SLC25A51: variants seen among roughly 807,000 people sequenced by gnomAD.
SLC25A51 encodes the protein solute carrier family 25 member 51.
SLC25A51 carries 11 observed loss-of-function variants against 19.1 expected under a neutral mutation model. That is an observed-to-expected ratio of 0.58 (90% confidence interval 0.36 to 0.96). The LOEUF (loss-of-function observed/expected upper bound fraction) is 0.96. Ranked by LOEUF, SLC25A51 falls within the 40% of genes least tolerant of loss-of-function variation. SLC25A51 has a pLI of 0.01. For missense variants in SLC25A51, 201 were observed against 365.4 expected (o/e 0.55, Z 3.67); for synonymous variants, 105 against 133.6 (o/e 0.79, Z 1.47).
chr9:37,893,703 C>G (rs555163580), intron 2 of SLC25A51, among the ~76,000 whole-genome samples: 1 of 152,328 alleles, frequency 6.6e-6, no homozygotes, highest in South Asian at 2.1e-4. Flanking sequence ...GTATGCTCCA[C>G]TGAGAGATGC....
downstream of SLC25A51, chr9:37,885,860 G>A (rs1399737577): frequency 3.1e-6 from 5 of 1,599,078 alleles, no homozygotes; most frequent in Non-Finnish European, 4.3e-6. Context: ...TCTGCATAGT[G>A]TTCCTGATGA....
intron 1 of SLC25A51, 178 bp downstream of exon 1, chr9:37,903,890 G>C (rs1211223116): frequency 6.6e-6 from 1 of 152,288 alleles, no homozygotes; most frequent in Non-Finnish European, 1.5e-5. Flanking sequence ...AACTGATTCC[G>C]CCCGCGCCGC....
intron 2 of SLC25A51, among the ~76,000 whole-genome samples, chr9:37,889,429 A>T (rs1042509986): frequency 6.6e-6 from 1 of 152,188 alleles, no homozygotes; most frequent in Non-Finnish European, 1.5e-5. Flanking sequence ...GAACACAGGT[A>T]AGGGACACTG....
intron 1 of SLC25A51, among the ~76,000 whole-genome samples, chr9:37,901,771 T>C (rs1179546025): frequency 6.6e-6 from 1 of 152,236 alleles, no homozygotes; most frequent in Non-Finnish European, 1.5e-5. Flanking sequence ...CTTCAAGATA[T>C]GTTCTAGACA....
At chr9:37,891,270 C>A (rs1404050704) in intron 2 of SLC25A51, among the ~76,000 whole-genome samples, 16 of 152,194 alleles carry the variant, frequency 1.1e-4, no homozygotes, top group African/African-American at 3.6e-4. Context: ...GCCGCCCCGT[C>A]CGGGAGGTGG....
downstream of SLC25A51, chr9:37,886,229 T>C: frequency 8.1e-6 from 13 of 1,597,036 alleles, no homozygotes; most frequent in Admixed American, 3.3e-5. Context: ...GGCTGTCTCA[T>C]GGACCTTCTC....
intron 1 of SLC25A51, among the ~76,000 whole-genome samples, chr9:37,901,301 C>T (rs190972139): frequency 6.6e-6 from 1 of 152,140 alleles, no homozygotes; most frequent in Non-Finnish European, 1.5e-5. Flanking sequence ...TCCCAAGTAG[C>T]TGGGATTACA....
At chr9:37,889,214 A>G (rs1831526892) in intron 2 of SLC25A51, among the ~76,000 whole-genome samples, 1 of 152,194 alleles carries the variant, frequency 6.6e-6, no homozygotes, top group African/African-American at 2.4e-5. Context: ...CTGCTGAAAT[A>G]GGCCCACATT....
At chr9:37,898,401 C>T (rs1007154500) in intron 2 of SLC25A51, among the ~76,000 whole-genome samples, 8 of 152,154 alleles carry the variant, frequency 5.3e-5, no homozygotes, top group African/African-American at 1.9e-4. Context: ...ACTAAAAATA[C>T]AAAATTAGCC....
chr9:37,880,991 A>T (rs992741711), intron 3 of SLC25A51, among the ~76,000 whole-genome samples: 2 of 152,176 alleles, frequency 1.3e-5, no homozygotes, highest in South Asian at 2.1e-4. Context: ...TATTACACTT[A>T]TTCTTTATGA....
downstream of SLC25A51, among the ~76,000 whole-genome samples, chr9:37,883,882 T>G (rs1831396094): frequency 6.6e-6 from 1 of 152,370 alleles, no homozygotes; most frequent in South Asian, 2.1e-4. Context: ...GTATGGCTAT[T>G]TAGCTTTATT....
intron 3 of SLC25A51, among the ~76,000 whole-genome samples, chr9:37,881,201 T>TA (rs11402300): frequency 0.36 from 46,612 of 128,408 alleles, 7,605 homozygotes; most frequent in African/African-American, 0.42. Context: ...AAAGTAGATA[T>TA]AAAAAAAAAA....
At chr9:37,881,822 T>A (rs984599330) in intron 2 of SLC25A51, among the ~76,000 whole-genome samples, 2 of 152,118 alleles carry the variant, frequency 1.3e-5, no homozygotes, top group Admixed American at 1.3e-4. Flanking sequence ...CAGATCAATC[T>A]ATCACTACCA....
At chr9:37,896,368 C>T (rs998327960) in intron 2 of SLC25A51, among the ~76,000 whole-genome samples, 10 of 152,010 alleles carry the variant, frequency 6.6e-5, no homozygotes, top group Non-Finnish European at 2.9e-5. Flanking sequence ...AGGGCTTCCC[C>T]CTCCAAAGAT....
downstream of SLC25A51, chr9:37,887,543 G>T (rs1587157738): frequency 3.9e-6 from 5 of 1,289,328 alleles, no homozygotes; most frequent in East Asian, 9.9e-5. Flanking sequence ...CCCAGTTGAT[G>T]GCTTTCCATA....
chr9:37,899,526 G>A (rs908914575), intron 2 of SLC25A51, among the ~76,000 whole-genome samples: 2 of 152,004 alleles, frequency 1.3e-5, no homozygotes, highest in African/African-American at 4.8e-5. Context: ...CACCATGCCT[G>A]GCTAATTTTT....
At chr9:37,878,256 G>T, downstream of SLC25A51, 1 of 172,200 alleles carries the variant, frequency 5.8e-6, no homozygotes, top group South Asian at 1.6e-4. Flanking sequence ...GAATCACCTG[G>T]AAGGAAAAGC....
intron 2 of SLC25A51, among the ~76,000 whole-genome samples, chr9:37,888,866 G>A (rs1275807094): frequency 6.6e-6 from 1 of 152,252 alleles, no homozygotes; most frequent in East Asian, 1.9e-4. Flanking sequence ...ACTGAATGCA[G>A]CAAACAGGAA....
chr9:37,897,503 G>A (rs1412679512), intron 2 of SLC25A51, among the ~76,000 whole-genome samples: 3 of 151,968 alleles, frequency 2.0e-5, no homozygotes, highest in Non-Finnish European at 2.9e-5. Flanking sequence ...TTTGGTGAAC[G>A]TTTTAGTTTC....
Sources: gnomAD v4.1 joint callset for allele counts (sites outside exome capture counted in the v4.1 genomes callset) on GRCh38, gnomAD v4.1.1 for gene constraint, MANE v1.5 for transcripts, NCBI Gene and HGNC (gene_info 2026-07-23, HGNC 2026-07-21) for gene names.